Variants in ARMH4 observed in about 807,000 individuals in gnomAD.
ARMH4 encodes armadillo-like helical domain-containing protein 4.
Under a neutral mutation model 61.9 loss-of-function variants are expected in ARMH4, and 49 were observed. The ratio of observed to expected loss-of-function variants is 0.79; its 90% CI spans 0.63 to 1.00. The LOEUF is 1.00. ARMH4 is among the 50% of genes least tolerant of loss of function. ARMH4 has a pLI of 0.00. For missense variants in ARMH4, 934 were observed against 930.0 expected (o/e 1.00, Z -0.06); for synonymous variants, 368 against 341.5 (o/e 1.08, Z -0.85).
intron 5 of ARMH4, among the ~76,000 whole-genome samples, chr14:58,040,098 TC>T (rs1449252094): frequency 1.3e-5 from 2 of 152,084 alleles, no homozygotes; most frequent in African/African-American, 2.4e-5. Flanking sequence ...GTATGAAGTT[TC>T]TAAGACCCAC....
chr14:58,136,290 C>A (rs959527779), intron 2 of ARMH4, among the ~76,000 whole-genome samples: 1 of 152,128 alleles, frequency 6.6e-6, no homozygotes, highest in Admixed American at 6.5e-5. Flanking sequence ...GAAGCTAATA[C>A]AAGTTTAGTA....
intron 5 of ARMH4, among the ~76,000 whole-genome samples, chr14:58,024,430 G>T (rs1284464909): frequency 6.6e-6 from 1 of 152,114 alleles, no homozygotes; most frequent in African/African-American, 2.4e-5. Flanking sequence ...AAGAGAGTTA[G>T]GGTCTTCCTC....
chr14:58,119,875 T>C (rs1443351871), intron 4 of ARMH4, among the ~76,000 whole-genome samples: 1 of 152,172 alleles, frequency 6.6e-6, no homozygotes, highest in African/African-American at 2.4e-5. Flanking sequence ...GCTAGTGTGG[T>C]GTATATGGTA....
At position 58,065,335 on chromosome 14, in the gene ARMH4, T is replaced by C. The variant is rs140883347; in HGVS notation, c.2089+31389A>G. Among the ~76,000 whole-genome samples, 927 of 152,308 alleles carry C rather than the reference T, an allele frequency of 6.1e-3. 11 individuals are homozygous for C. Among genetic ancestry groups the C allele is most frequent in the African/African-American group, 0.02 (845 of 41,576 alleles). On this transcript the variant is annotated intron_variant, in intron 5 of 7. Transcript: ENST00000267485. ...TTTGGAGCCTTGAGGCTCAGGGAGA[T>C]ACCTCAAATCAGACATGGAGGCTAA...
In ARMH4 at chr14:58,002,204, C is replaced by T. The variant is rs1025201097; in HGVS notation, c.*2532G>A. The T allele has an allele frequency of 1.3e-5, 2 of 152,080 alleles. No homozygotes were observed. Among genetic ancestry groups the T allele is most frequent in the African/African-American group, 2.4e-5 (1 of 41,380 alleles). The allele number at this position is 152,080 out of a possible 1,614,324, so 9.4% of individuals were successfully genotyped here. On this transcript the variant is annotated 3_prime_UTR_variant, in exon 8 of 8. Transcript: ENST00000267485. Reference sequence around the variant, plus strand: ...TAAAATATGACAACCTTTTCTGATCCTCTTAATAATCTAAGCCAACCACTG... The same window carrying T: ...TAAAATATGACAACCTTTTCTGATCTTCTTAATAATCTAAGCCAACCACTG...
intron 5 of ARMH4, among the ~76,000 whole-genome samples, chr14:58,078,292 T>G (rs932183993): frequency 6.6e-6 from 1 of 152,202 alleles, no homozygotes; most frequent in Non-Finnish European, 1.5e-5. Flanking sequence ...GAAAGGAATG[T>G]TTATATCCCA....
At chr14:58,032,536 C>T (rs1453552209) in intron 5 of ARMH4, among the ~76,000 whole-genome samples, 1 of 152,024 alleles carries the variant, frequency 6.6e-6, no homozygotes, top group African/African-American at 2.4e-5. Context: ...TAAAGAAATA[C>T]TTAGGGGAGG....
At chr14:58,134,014 T>C (rs1163722906) in intron 2 of ARMH4, among the ~76,000 whole-genome samples, 2 of 152,228 alleles carry the variant, frequency 1.3e-5, no homozygotes, top group Non-Finnish European at 2.9e-5. Context: ...TTCACATATG[T>C]GGGCCTTGAG....
chr14:58,072,203 A>C (rs1311853420), intron 5 of ARMH4, among the ~76,000 whole-genome samples: 2 of 152,222 alleles, frequency 1.3e-5, no homozygotes, highest in Non-Finnish European at 2.9e-5. Flanking sequence ...TTGTAGGCAC[A>C]TAGGAAGTAT....
intron 5 of ARMH4, among the ~76,000 whole-genome samples, chr14:58,075,208 G>T (rs561153174): frequency 1.3e-5 from 2 of 152,128 alleles, no homozygotes; most frequent in Non-Finnish European, 2.9e-5. Flanking sequence ...GATTCCTCAA[G>T]GATCTAGAAC....
At chr14:58,084,189 G>C (rs1359423791) in intron 5 of ARMH4, among the ~76,000 whole-genome samples, 1 of 150,086 alleles carries the variant, frequency 6.7e-6, no homozygotes, top group Non-Finnish European at 1.5e-5. Flanking sequence ...AGAAGAAAAG[G>C]CTGCAAGGTT....
intron 5 of ARMH4, among the ~76,000 whole-genome samples, chr14:58,066,390 G>A (rs548934475): frequency 6.6e-6 from 1 of 152,164 alleles, no homozygotes; most frequent in Non-Finnish European, 1.5e-5. Context: ...GCAATCTAGT[G>A]GTTGCCAGGG....
intron 4 of ARMH4, among the ~76,000 whole-genome samples, chr14:58,126,888 T>C (rs886358715): frequency 6.7e-6 from 1 of 149,386 alleles, no homozygotes; most frequent in East Asian, 2.0e-4. Context: ...CTGCAACCTA[T>C]GCTTCCCGGG....
chr14:58,080,053 T>G (rs1477994085), intron 5 of ARMH4, among the ~76,000 whole-genome samples: 2 of 152,090 alleles, frequency 1.3e-5, no homozygotes, highest in Non-Finnish European at 2.9e-5. Context: ...CAGGTTTGAC[T>G]GCCAACGATG....
rs751506119 is a variant in ARMH4 at position 58,138,768 on chromosome 14, C to T, written c.591G>A (p.Gln197=). 1 of 1,614,208 alleles carries T rather than the reference C, an allele frequency of 6.2e-7. No individual in the cohort carries two copies. Among genetic ancestry groups the T allele is most frequent in the African/African-American group, 1.3e-5 (1 of 75,056 alleles). The change falls in exon 2 of 8, where the codon CAG becomes CAA. Residue 197 remains glutamine, a synonymous_variant. Coordinates refer to ENST00000267485, the MANE Select transcript of ARMH4 (RefSeq NM_001001872.4). ...MDNQSFATES[Q]EGVGLGHSPS... ...GTGAATGTCCCAAACCAACTCCTTCCTGACTTTCAGTTGCAAATGATTGAT... is the reference window on the plus strand; with the variant it reads ...GTGAATGTCCCAAACCAACTCCTTCTTGACTTTCAGTTGCAAATGATTGAT...
chr14:58,042,363 G>T (rs201804682), intron 5 of ARMH4, among the ~76,000 whole-genome samples: 1 of 152,112 alleles, frequency 6.6e-6, no homozygotes, highest in African/African-American at 2.4e-5. Flanking sequence ...GGTACATAAC[G>T]AAATGAAGGC....
At chr14:58,119,374 A>G (rs1886643449) in intron 4 of ARMH4, among the ~76,000 whole-genome samples, 1 of 152,248 alleles carries the variant, frequency 6.6e-6, no homozygotes, top group Non-Finnish European at 1.5e-5. Context: ...ATGCAATAAA[A>G]TTCTCATGTT....
At chr14:58,047,289 T>A (rs1883975517) in intron 5 of ARMH4, among the ~76,000 whole-genome samples, 1 of 152,268 alleles carries the variant, frequency 6.6e-6, no homozygotes, top group African/African-American at 2.4e-5. Flanking sequence ...GCACAAGATT[T>A]AAATTTTCTC....
Position 58,045,332 on chromosome 14 carries a change from A to G in ARMH4, c.2090-33182T>C, listed in dbSNP as rs545569631. On this transcript the variant is annotated intron_variant, in intron 5 of 7. Coordinates refer to ENST00000267485, the MANE Select transcript of ARMH4 (RefSeq NM_001001872.4). ...TTGTAGGGACATGGATGAAGCTGGA[A>G]ACCATCATTCTCAGCCAACTATCGC... 2.4e-4 allele frequency among the ~76,000 whole-genome samples: 36 copies of G among 152,276 alleles called. 1 individual carries two copies. Among genetic ancestry groups the G allele is most frequent in the African/African-American group, 8.7e-4 (36 of 41,570 alleles).
Sources: allele counts gnomAD v4.1 joint callset (sites outside exome capture counted in the v4.1 genomes callset), GRCh38; gene constraint gnomAD v4.1.1; transcripts MANE v1.5; gene names NCBI Gene and HGNC (gene_info 2026-07-23, HGNC 2026-07-21).